ULK4: variants seen among roughly 807,000 people sequenced by gnomAD.
ULK4 encodes the protein unc-51 like kinase 4, also known as inactive serine/threonine-protein kinase ULK4.
A neutral mutation model predicts 160.6 loss-of-function variants in ULK4; 133 were observed. The observed-to-expected ratio is 0.83, with a 90% confidence interval of 0.72 to 0.96. The LOEUF (loss-of-function observed/expected upper bound fraction) is 0.96. Among genes scored for constraint, ULK4 ranks in the 40% least tolerant of loss-of-function variants. The pLI is 0.00. For synonymous variants in ULK4, 534 were observed against 539.8 expected, an observed-to-expected ratio of 0.99 and a Z score of 0.15; for missense variants, 1,580 against 1,499.5, an observed-to-expected ratio of 1.05 and a Z score of -0.89.
chr3:41,719,142 A>G (rs993897635), intron 22 of ULK4, among the ~76,000 whole-genome samples: 36 of 152,160 alleles, frequency 2.4e-4, no homozygotes, highest in Admixed American at 2.3e-3. Flanking sequence ...CCGTTCCTCT[A>G]TCATAACCTC....
At chr3:41,515,582 A>C (rs966993934) in intron 32 of ULK4, among the ~76,000 whole-genome samples, 1 of 152,178 alleles carries the variant, frequency 6.6e-6, no homozygotes, top group Admixed American at 6.5e-5. Context: ...AAAAACTTCC[A>C]ATCATGACAG....
chr3:41,902,957 T>C (rs1437913189), intron 12 of ULK4, among the ~76,000 whole-genome samples: 2 of 152,124 alleles, frequency 1.3e-5, no homozygotes, highest in Admixed American at 6.5e-5. Context: ...GACACTTAAA[T>C]ATATACATCA....
intron 19 of ULK4, among the ~76,000 whole-genome samples, chr3:41,811,245 G>A (rs1303676883): frequency 6.6e-6 from 1 of 151,154 alleles, no homozygotes; most frequent in Non-Finnish European, 1.5e-5. Context: ...TACCCAGGCT[G>A]GAATGCAGTA....
In ULK4 at chr3:41,657,834, A is replaced by AAAAAAAAAAAAAAAAC. The variant is rs1553628520; in HGVS notation, c.3071+5772_3071+5773insGTTTTTTTTTTTTTTT. Among the ~76,000 whole-genome samples, 65 of 150,056 alleles carry AAAAAAAAAAAAAAAAC rather than the reference A, an allele frequency of 4.3e-4. 1 individual carries two copies. The highest frequency in any genetic ancestry group is 1.5e-3 in the African/African-American group (62 of 40,302). Reference sequence around the variant, plus strand: ...CCATCTCATTAAAAAAAAAAAAAAAAACACACACCACTGATACCAAATAAC... The same window carrying AAAAAAAAAAAAAAAAC: ...CCATCTCATTAAAAAAAAAAAAAAAAAAAAAAAAAAAAAAACACACACACCACTGATACCAAATAAC... On this transcript the variant is annotated intron_variant, in intron 30 of 36. Transcript: ENST00000301831.
chr3:41,595,063 A>G (rs2031600678), intron 31 of ULK4, among the ~76,000 whole-genome samples: 2 of 152,222 alleles, frequency 1.3e-5, no homozygotes, highest in South Asian at 4.1e-4. Context: ...TTGGCTCTAT[A>G]AAGTCTAAGA....
chr3:41,873,250 G>C lies in ULK4; in HGVS notation c.1656+10624C>G, dbSNP rs1320357219. On this transcript the variant is annotated intron_variant, in intron 17 of 36. Coordinates refer to ENST00000301831, the MANE Select transcript of ULK4 (RefSeq NM_017886.4). The stretch of plus-strand genomic sequence containing the variant: ...TTTTTTTTTTTTTTTTTTTGAAAAT[G>C]CCCCATTTTTCTAAAAGGATAGCCT... Among the ~76,000 whole-genome samples, 3 of 65,276 alleles carry C rather than the reference G, an allele frequency of 4.6e-5. No homozygotes were observed. In the Admixed American group the frequency reaches 4.8e-4, roughly 11 times the overall value. 42.8% of individuals were successfully genotyped at this position (65,276 alleles called of 152,430 possible). A position where few individuals can be genotyped will look rare whatever the true frequency, so the allele number is the denominator to read the frequency against.
intron 31 of ULK4, among the ~76,000 whole-genome samples, chr3:41,610,248 C>T (rs2125675762): frequency 6.6e-6 from 1 of 151,994 alleles, no homozygotes; most frequent in South Asian, 2.1e-4. Flanking sequence ...AACTCTTGAC[C>T]TCAAGTGACC....
intron 21 of ULK4, among the ~76,000 whole-genome samples, chr3:41,779,840 T>G (rs1355236568): frequency 1.2e-5 from 1 of 82,662 alleles, no homozygotes; most frequent in Non-Finnish European, 2.3e-5. Context: ...TGTGGTGTGG[T>G]CGGGGGAGGG....
chr3:41,252,663 T>C (rs1321216990), intron 35 of ULK4, among the ~76,000 whole-genome samples: 1 of 148,018 alleles, frequency 6.8e-6, no homozygotes, highest in Non-Finnish European at 1.5e-5. Context: ...CTCAGGGACC[T>C]ATGAGACAAT....
At chr3:41,869,173 G>T (rs1697005506) in intron 17 of ULK4, 1 of 151,740 alleles carries the variant, frequency 6.6e-6, no homozygotes, top group Admixed American at 6.6e-5. Flanking sequence ...TAACTGGATA[G>T]TCTTCCAATT....
At chr3:41,496,407 GA>G (rs2084991862) in intron 32 of ULK4, among the ~76,000 whole-genome samples, 2 of 152,106 alleles carry the variant, frequency 1.3e-5, no homozygotes, top group Non-Finnish European at 2.9e-5. Context: ...CCTGAGAGAG[GA>G]AAAACACATA....
chr3:41,479,955 C>T (rs564785175), intron 32 of ULK4, among the ~76,000 whole-genome samples: 62 of 152,044 alleles, frequency 4.1e-4, no homozygotes, highest in Non-Finnish European at 7.8e-4. Context: ...CGCCTGTAAT[C>T]TCAGTGCTTT....
At chr3:41,923,645 T>A (rs968216406) in intron 5 of ULK4, among the ~76,000 whole-genome samples, 1 of 152,204 alleles carries the variant, frequency 6.6e-6, no homozygotes, top group Non-Finnish European at 1.5e-5. Context: ...ACTGATGAAT[T>A]TCTTCAAGTA....
At chr3:41,465,878 T>G (rs1387911243) in intron 32 of ULK4, among the ~76,000 whole-genome samples, 2 of 152,192 alleles carry the variant, frequency 1.3e-5, no homozygotes, top group African/African-American at 2.4e-5. Flanking sequence ...TATTCTTTCC[T>G]GTCGTTTACC....
chr3:41,848,210 C>G (rs1487253032), intron 17 of ULK4, among the ~76,000 whole-genome samples: 1 of 152,158 alleles, frequency 6.6e-6, no homozygotes, highest in Non-Finnish European at 1.5e-5. Flanking sequence ...CTGGTAGATT[C>G]CTTCTCTTAA....
chr3:41,628,954 G>A (rs1050358102), intron 30 of ULK4, among the ~76,000 whole-genome samples: 8 of 152,052 alleles, frequency 5.3e-5, no homozygotes, highest in Non-Finnish European at 1.5e-5. Context: ...TGTGAGTCTG[G>A]GCAAGTTTAG....
intron 21 of ULK4, among the ~76,000 whole-genome samples, chr3:41,771,070 CACTG>C (rs2039341903): frequency 6.6e-6 from 1 of 152,274 alleles, no homozygotes; most frequent in African/African-American, 2.4e-5. Context: ...ATATTTGAAA[CACTG>C]AATACTCCAG....
chr3:41,355,741 C>A (rs989927490), intron 35 of ULK4, among the ~76,000 whole-genome samples: 1 of 152,134 alleles, frequency 6.6e-6, no homozygotes, highest in African/African-American at 2.4e-5. Flanking sequence ...TAGTGCATCA[C>A]CACAGATTAG....
chr3:41,564,940 T>C (rs1408800200), intron 32 of ULK4, among the ~76,000 whole-genome samples: 1 of 152,150 alleles, frequency 6.6e-6, no homozygotes, highest in African/African-American at 2.4e-5. Context: ...TACAGGTGTA[T>C]CATGTTTTAT....
Sources: gnomAD v4.1 joint callset for allele counts (sites outside exome capture counted in the v4.1 genomes callset) on GRCh38, gnomAD v4.1.1 for gene constraint, MANE v1.5 for transcripts, NCBI Gene and HGNC (gene_info 2026-07-23, HGNC 2026-07-21) for gene names.